Variants in ERCC4 observed in about 807,000 individuals in gnomAD.
ERCC4 encodes the protein DNA repair endonuclease XPF.
ERCC4 carries 65 observed loss-of-function variants against 76.9 expected under a neutral mutation model. That is an observed-to-expected ratio of 0.84 (90% CI 0.69 to 1.04). The LOEUF (loss-of-function observed/expected upper bound fraction) is 1.04, where lower values mean the gene tolerates loss of function less well. Among genes scored for constraint, ERCC4 ranks in the 50% least tolerant of loss-of-function variants. The pLI is 0.00. For synonymous variants in ERCC4, 463 were observed against 410.1 expected (o/e 1.13, Z -1.56); for missense variants, 1,214 against 1,128.2 (o/e 1.08, Z -1.09).
intron 9 of ERCC4, among the ~76,000 whole-genome samples, chr16:13,940,030 A>G (rs890626013): frequency 9.2e-5 from 14 of 152,234 alleles, no homozygotes; most frequent in Non-Finnish European, 1.8e-4. Context: ...TCGATGATTC[A>G]CTAGAACTCA....
chr16:13,951,038 T>A lies in ERCC4; in HGVS notation c.*2691T>A. The stretch of plus-strand genomic sequence containing the variant: ...TAATTTCTAATGAATTCTAAAATGG[T>A]CATTGTAAGTGAAAGCCTCTCGCTA... On this transcript the variant is annotated 3_prime_UTR_variant, in exon 11 of 11. Transcript: ENST00000311895. 5.3e-6 allele frequency: 1 copy of A among 188,908 alleles called. No homozygotes were observed. Among genetic ancestry groups the A allele is most frequent in the African/African-American group, 2.3e-5 (1 of 43,020 alleles). 11.7% of individuals were successfully genotyped at this position (188,908 alleles called of 1,614,324 possible). A position where few individuals can be genotyped will look rare whatever the true frequency, so the allele number is the denominator to read the frequency against.
At chr16:13,921,344 G>A (rs1005354540) in intron 1 of ERCC4, among the ~76,000 whole-genome samples, 2 of 152,196 alleles carry the variant, frequency 1.3e-5, no homozygotes, top group African/African-American at 4.8e-5. Flanking sequence ...CTACACATGG[G>A]TCTGAGGGGT....
rs545748696 is a variant in ERCC4 at position 13,951,130 on chromosome 16, A to G, written c.*2783A>G. On this transcript the variant is annotated 3_prime_UTR_variant, in exon 11 of 11. Coordinates refer to ENST00000311895, the MANE Select transcript of ERCC4 (RefSeq NM_005236.3). The stretch of plus-strand genomic sequence containing the variant: ...TCCAGTTTTGGAAAGTTTTCAATAC[A>G]TACATCAAGTGTTTACTTAGATTTT... 7.0e-5 allele frequency: 13 copies of G among 186,694 alleles called. No homozygotes were observed. Among genetic ancestry groups the G allele is most frequent in the Non-Finnish European group, 1.1e-4 (10 of 88,330 alleles). 11.6% of individuals were successfully genotyped at this position (186,694 alleles called of 1,614,324 possible).
intron 9 of ERCC4, among the ~76,000 whole-genome samples, chr16:13,938,503 A>G (rs1035885902): frequency 1.3e-5 from 2 of 152,208 alleles, no homozygotes; most frequent in Non-Finnish European, 2.9e-5. Flanking sequence ...GATAAATCTG[A>G]TAACCACCTA....
intron 9 of ERCC4, among the ~76,000 whole-genome samples, chr16:13,939,210 G>A (rs3136173): frequency 2.3e-4 from 35 of 152,050 alleles, no homozygotes; most frequent in African/African-American, 8.2e-4. Context: ...CTCTTTGTCT[G>A]CTAGACCTTC....
intron 2 of ERCC4, chr16:13,922,555 T>G: frequency 1.4e-6 from 1 of 713,574 alleles, no homozygotes; most frequent in Non-Finnish European, 2.6e-6. Flanking sequence ...CACTGTGTTT[T>G]GAATGACGAA....
chr16:13,936,757 G>A (rs1212697550), intron 8 of ERCC4, among the ~76,000 whole-genome samples: 1 of 152,162 alleles, frequency 6.6e-6, no homozygotes, highest in African/African-American at 2.4e-5. Context: ...ACACTTCAAA[G>A]AATTATCATC....
In ERCC4 at chr16:13,926,553, C is replaced by T. The variant is rs1325456652; in HGVS notation, c.389-8C>T. ...TTCTGTAGTTTAAATTATGTTTCTCCCCCTCAGGCATCTTGGTGTATAGAG... is the reference window on the plus strand; with the variant it reads ...TTCTGTAGTTTAAATTATGTTTCTCTCCCTCAGGCATCTTGGTGTATAGAG... On this transcript the variant is annotated splice_region_variant and splice_polypyrimidine_tract_variant and intron_variant, in intron 2 of 10. Coordinates refer to ENST00000311895, the MANE Select transcript of ERCC4 (RefSeq NM_005236.3). 4 of 1,611,576 alleles carry T rather than the reference C, an allele frequency of 2.5e-6. No homozygotes were observed. The highest frequency in any genetic ancestry group is 3.4e-6 in the Non-Finnish European group (4 of 1,177,768).
At position 13,947,932 on chromosome 16, in the gene ERCC4, T is replaced by C. The variant is rs763202833; in HGVS notation, c.2336T>C (p.Ile779Thr). The C allele has an allele frequency of 1.5e-5, 24 of 1,614,112 alleles. No homozygotes were observed. Among genetic ancestry groups the C allele is most frequent in the Non-Finnish European group, 1.9e-5 (22 of 1,180,022 alleles). The change falls in exon 11 of 11, where the codon ATC (isoleucine) becomes ACC (threonine). Residue 779 changes from isoleucine to threonine, a missense_variant. Coordinates refer to ENST00000311895, the MANE Select transcript of ERCC4 (RefSeq NM_005236.3). ...TCCCGAGGTGCCTTGTTTCAGGAGA[T>C]CTCCAGCAATGACATTAGTTCCAAA... ...LTSRGALFQE[I>T]SSNDISSKLT...
At chr16:13,924,695 A>G (rs1255516369) in intron 2 of ERCC4, among the ~76,000 whole-genome samples, 2 of 152,218 alleles carry the variant, frequency 1.3e-5, no homozygotes, top group Admixed American at 6.5e-5. Flanking sequence ...GGTGATAAAG[A>G]TAGTACCTTC....
chr16:13,922,365 A>T (rs1255738188), intron 2 of ERCC4, 154 bp downstream of exon 2: 2 of 762,456 alleles, frequency 2.6e-6, no homozygotes, highest in African/African-American at 3.4e-5. Context: ...GTGGGGCAGC[A>T]CCCACAGGTC....
rs2032639645 is a variant in ERCC4 at position 13,952,192 on chromosome 16, G to T, written c.*3845G>T. 5.3e-6 allele frequency: 1 copy of T among 186,948 alleles called. No individual in the cohort carries two copies. The highest frequency in any genetic ancestry group is 2.0e-4 in the South Asian group (1 of 5,128). 11.6% of individuals were successfully genotyped at this position (186,948 alleles called of 1,614,324 possible). ...GTTTAATAAAATATATATTTATTCAGTACTTTCCTCAGTATTTTATGGGCA... is the reference window on the plus strand; with the variant it reads ...GTTTAATAAAATATATATTTATTCATTACTTTCCTCAGTATTTTATGGGCA... On this transcript the variant is annotated 3_prime_UTR_variant, in exon 11 of 11. Transcript: ENST00000311895.
At chr16:13,930,062 C>T (rs562021142) in intron 4 of ERCC4, among the ~76,000 whole-genome samples, 5 of 152,244 alleles carry the variant, frequency 3.3e-5, no homozygotes, top group Non-Finnish European at 4.4e-5. Flanking sequence ...GAAATTTTTA[C>T]ACCAACAAAT....
chr16:13,925,453 T>C lies in ERCC4; in HGVS notation c.389-1108T>C, dbSNP rs1171051115. Among the ~76,000 whole-genome samples, 17 of 152,212 alleles carry C rather than the reference T, an allele frequency of 1.1e-4. 1 individual carries two copies. The highest frequency in any genetic ancestry group is 2.5e-4 in the Non-Finnish European group (17 of 68,030). On this transcript the variant is annotated intron_variant, in intron 2 of 10. Coordinates refer to ENST00000311895, the MANE Select transcript of ERCC4 (RefSeq NM_005236.3). ...TGGGGGGGTTATTGAAAATCCTTTG[T>C]CTATGAATTCCTAAATAACATTATT...
rs1567245358 is a variant in ERCC4, at chr16:13,930,835, T to A, written c.918T>A (p.Phe306Leu). The change falls in exon 5 of 11, where the codon TTT (phenylalanine) becomes TTA (leucine). Residue 306 changes from phenylalanine to leucine, a missense_variant. By Grantham distance (22) the Phe-to-Leu change is conservative. Coordinates refer to ENST00000311895, the MANE Select transcript of ERCC4 (RefSeq NM_005236.3). ...QYLSQYDCVT[F>L]LNLLESLRAT... ...TCTCTCAGTATGATTGTGTCACATT[T>A]CTTAATCTTCTGGAATCTCTGAGAG... The A allele has an allele frequency of 1.9e-6, 3 of 1,613,736 alleles. No homozygotes were observed. The highest frequency in any genetic ancestry group is 2.5e-6 in the Non-Finnish European group (3 of 1,179,624).
intron 1 of ERCC4, among the ~76,000 whole-genome samples, chr16:13,921,275 T>G (rs948341185): frequency 1.3e-5 from 2 of 152,062 alleles, no homozygotes; most frequent in Non-Finnish European, 2.9e-5. Context: ...GCTGAGGATG[T>G]TGGCAAAGGT....
At chr16:13,943,154 G>T (rs2032447741) in intron 9 of ERCC4, among the ~76,000 whole-genome samples, 1 of 152,162 alleles carries the variant, frequency 6.6e-6, no homozygotes, top group Admixed American at 6.5e-5. Context: ...CTGTTCTTTA[G>T]TAGTATCTTC....
chr16:13,935,863 A>C, intron 8 of ERCC4, 120 bp downstream of exon 8: 1 of 850,730 alleles, frequency 1.2e-6, no homozygotes, highest in South Asian at 1.4e-5. Context: ...ATGTTTATGA[A>C]ACCTTATTTT....
At chr16:13,923,956 AT>A (rs1387674937) in intron 2 of ERCC4, among the ~76,000 whole-genome samples, 1 of 152,202 alleles carries the variant, frequency 6.6e-6, no homozygotes, top group Admixed American at 6.5e-5. Context: ...GCAGAGAGCA[AT>A]GTGAATTTAT....
Sources: gnomAD v4.1 joint callset for allele counts (sites outside exome capture counted in the v4.1 genomes callset) on GRCh38, gnomAD v4.1.1 for gene constraint, MANE v1.5 for transcripts, NCBI Gene and HGNC (gene_info 2026-07-23, HGNC 2026-07-21) for gene names.